DLGAP1: variants seen among roughly 807,000 people sequenced by gnomAD.
DLGAP1 encodes the protein disks large-associated protein 1.
Under a neutral mutation model 90.8 loss-of-function variants are expected in DLGAP1, and 11 were observed. The ratio of observed to expected loss-of-function variants is 0.12; its 90% confidence interval spans 0.08 to 0.20. The LOEUF (loss-of-function observed/expected upper bound fraction) is 0.20. Ranked by LOEUF, DLGAP1 falls within the 10% of genes least tolerant of loss-of-function variation. The probability of loss-of-function intolerance (pLI) is 1.00; values close to 1 mark genes in which losing one functional copy is unlikely to be tolerated. For missense variants in DLGAP1, 1,050 were observed against 1,333.8 expected (o/e 0.79, Z 3.31); for synonymous variants, 558 against 540.7 (o/e 1.03, Z -0.44).
intron 1 of DLGAP1, among the ~76,000 whole-genome samples, chr18:4,425,846 T>C (rs968920890): frequency 6.6e-6 from 1 of 152,166 alleles, no homozygotes; most frequent in Admixed American, 6.5e-5. Context: ...TTAGAGTTAC[T>C]TTCATAAAGT....
At chr18:3,620,475 G>A (rs2058055389) in intron 7 of DLGAP1, among the ~76,000 whole-genome samples, 1 of 152,058 alleles carries the variant, frequency 6.6e-6, no homozygotes, top group South Asian at 2.1e-4. Context: ...GGGTGTAACT[G>A]GTGACAGCAG....
At chr18:4,377,435 C>G (rs942364766) in intron 1 of DLGAP1, among the ~76,000 whole-genome samples, 10 of 152,074 alleles carry the variant, frequency 6.6e-5, no homozygotes, top group African/African-American at 2.4e-4. Flanking sequence ...CTAAAATGAA[C>G]TTTAGTGATT....
intron 3 of DLGAP1, among the ~76,000 whole-genome samples, chr18:3,926,398 T>G (rs2072382341): frequency 1.6e-5 from 1 of 61,592 alleles, no homozygotes; most frequent in East Asian, 5.1e-4. Context: ...TGTAAGCAAA[T>G]GACATATATA....
chr18:4,388,738 T>C (rs2082284357), intron 1 of DLGAP1, among the ~76,000 whole-genome samples: 1 of 152,182 alleles, frequency 6.6e-6, no homozygotes. Context: ...ATCTTAACTG[T>C]AAAGTATCTG....
chr18:3,913,709 A>T (rs16945625), intron 3 of DLGAP1, among the ~76,000 whole-genome samples: 2,302 of 152,296 alleles, frequency 0.015, 33 homozygotes, highest in Non-Finnish European at 0.023. Context: ...CTTAAAACTA[A>T]GTTTCACTCT....
intron 1 of DLGAP1, among the ~76,000 whole-genome samples, chr18:4,449,993 C>T (rs146761852): frequency 3.3e-5 from 5 of 152,292 alleles, no homozygotes; most frequent in East Asian, 3.9e-4. Context: ...AAACTCTAAA[C>T]GGAAAGCACA....
chr18:3,741,435 C>T (rs1277483676), intron 6 of DLGAP1, among the ~76,000 whole-genome samples: 1 of 151,970 alleles, frequency 6.6e-6, no homozygotes, highest in Non-Finnish European at 1.5e-5. Context: ...CCACCATCAC[C>T]ATCATCACTG....
chr18:4,427,744 T>C (rs764451323), intron 1 of DLGAP1, among the ~76,000 whole-genome samples: 9 of 152,186 alleles, frequency 5.9e-5, no homozygotes, highest in Non-Finnish European at 7.3e-5. Flanking sequence ...GTTTGAATTG[T>C]AAGTCATGGG....
At chr18:4,285,752 A>G (rs1365257129) in intron 1 of DLGAP1, among the ~76,000 whole-genome samples, 1 of 152,188 alleles carries the variant, frequency 6.6e-6, no homozygotes, top group Non-Finnish European at 1.5e-5. Flanking sequence ...TTGAACACTT[A>G]GCAGTCCATG....
chr18:4,203,918 A>G (rs1175055181), intron 1 of DLGAP1, among the ~76,000 whole-genome samples: 2 of 152,230 alleles, frequency 1.3e-5, no homozygotes, highest in Non-Finnish European at 2.9e-5. Flanking sequence ...TCAGAAGAGG[A>G]GGCACTGAAT....
chr18:4,237,498 T>C (rs2078443460), intron 1 of DLGAP1, among the ~76,000 whole-genome samples: 1 of 152,134 alleles, frequency 6.6e-6, no homozygotes, highest in Admixed American at 6.6e-5. Context: ...GTTGAGTGGT[T>C]CAGCCACACT....
At chr18:4,128,559 G>T (rs765688201) in intron 2 of DLGAP1, among the ~76,000 whole-genome samples, 4 of 152,084 alleles carry the variant, frequency 2.6e-5, no homozygotes, top group Admixed American at 1.3e-4. Context: ...GGATTCAAAT[G>T]AGCAGAAAAG....
At chr18:4,012,270 G>A (rs2074438155) in intron 2 of DLGAP1, among the ~76,000 whole-genome samples, 1 of 152,164 alleles carries the variant, frequency 6.6e-6, no homozygotes, top group Admixed American at 6.5e-5. Flanking sequence ...TCTACGCATA[G>A]CACAGACTTT....
intron 1 of DLGAP1, among the ~76,000 whole-genome samples, chr18:4,313,751 A>G (rs1032970911): frequency 1.3e-5 from 2 of 152,216 alleles, no homozygotes; most frequent in African/African-American, 4.8e-5. Flanking sequence ...AAGAATAGAT[A>G]ACAAGTTGAA....
intron 1 of DLGAP1, among the ~76,000 whole-genome samples, chr18:4,176,836 A>C (rs1170284832): frequency 6.6e-6 from 1 of 152,188 alleles, no homozygotes; most frequent in Non-Finnish European, 1.5e-5. Flanking sequence ...TTGTTCATGG[A>C]AGTTTATCAT....
chr18:4,225,822 G>A (rs2078174827), intron 1 of DLGAP1, among the ~76,000 whole-genome samples: 1 of 152,000 alleles, frequency 6.6e-6, no homozygotes. Flanking sequence ...CCCCCAAAGG[G>A]TAAATATAAG....
chr18:4,101,767 T>C (rs924656189), intron 2 of DLGAP1, among the ~76,000 whole-genome samples: 1 of 152,048 alleles, frequency 6.6e-6, no homozygotes, highest in Non-Finnish European at 1.5e-5. Context: ...TGCCAATATA[T>C]GTATATATTT....
At chr18:3,778,575 T>C (rs12457450) in intron 5 of DLGAP1, among the ~76,000 whole-genome samples, 22,776 of 152,082 alleles carry the variant, frequency 0.15, 1,812 homozygotes, top group Middle Eastern at 0.16. Flanking sequence ...TTTTCAGGGC[T>C]GCTGGGGATC....
intron 1 of DLGAP1, among the ~76,000 whole-genome samples, chr18:4,449,294 A>G (rs1226773970): frequency 6.6e-6 from 1 of 152,178 alleles, no homozygotes; most frequent in Non-Finnish European, 1.5e-5. Context: ...TAAAATCCTT[A>G]TTGTATTTCA....
Sources: gnomAD v4.1 joint callset for allele counts (sites outside exome capture counted in the v4.1 genomes callset) on GRCh38, gnomAD v4.1.1 for gene constraint, MANE v1.5 for transcripts, NCBI Gene and HGNC (gene_info 2026-07-23, HGNC 2026-07-21) for gene names.